Variants in TRMT2B observed in about 807,000 individuals in gnomAD.
TRMT2B encodes tRNA methyltransferase 2B, also known as tRNA (uracil-5-)-methyltransferase homolog B.
Under a neutral mutation model 39.7 loss-of-function variants are expected in TRMT2B, and 34 were observed. That is an observed-to-expected ratio of 0.86 (90% CI 0.65 to 1.14). The LOEUF (loss-of-function observed/expected upper bound fraction) is 1.14. Among genes scored for constraint, TRMT2B ranks in the 50% most tolerant of loss-of-function variants. The pLI is 0.00. For synonymous variants in TRMT2B, 132 were observed against 137.3 expected, an observed-to-expected ratio of 0.96 and a Z score of 0.27; for missense variants, 318 against 377.2, an observed-to-expected ratio of 0.84 and a Z score of 1.30.
chrX:101,013,189 C>T (rs774031753), intron 13 of TRMT2B, among the ~76,000 whole-genome samples: 24 of 111,405 alleles, frequency 2.2e-4, no homozygotes, highest in Middle Eastern at 4.6e-3. Context: ...TGTTATTATG[C>T]GACACAAGAC....
intron 3 of TRMT2B, among the ~76,000 whole-genome samples, chrX:101,041,836 C>T (rs1023889058): frequency 2.7e-5 from 3 of 111,852 alleles, no homozygotes; most frequent in Non-Finnish European, 5.6e-5. Context: ...TAAAAACACA[C>T]TCAAAGACAA....
At chrX:101,034,431 C>T (rs2087711082) in intron 7 of TRMT2B, among the ~76,000 whole-genome samples, 1 of 110,174 alleles carries the variant, frequency 9.1e-6, no homozygotes, top group Non-Finnish European at 1.9e-5. Context: ...CATGAGCCAC[C>T]ATGCCTGGCC....
Position 101,042,166 on chromosome X carries a change from G to A in TRMT2B, c.124C>T (p.Leu42Phe). 1 of 1,212,234 alleles carries A rather than the reference G, an allele frequency of 8.2e-7. No homozygotes were observed. Among genetic ancestry groups the A allele is most frequent in the Non-Finnish European group, 1.1e-6 (1 of 895,633 alleles). The change falls in exon 3 of 14, where the codon CTC becomes TTC. Residue 42 changes from leucine to phenylalanine, a missense_variant. Coordinates refer to ENST00000372936, the MANE Select transcript of TRMT2B (RefSeq NM_024917.6). The stretch of plus-strand genomic sequence containing the variant: ...CCCTTACATACTGTGCCCAGAAAGA[G>A]CTGTGACCATCCTGGTGGATTTCTG... Reference protein sequence around the residue: ...YARNPPGWSQLFLGTVCKGDF... With the variant: ...YARNPPGWSQFFLGTVCKGDF...
chrX:100,988,605 C>T, the TRMT2B span: 4 of 881,042 alleles, frequency 4.5e-6, no homozygotes, highest in African/African-American at 2.1e-5. Context: ...ATAGGCCTTC[C>T]CTAACAATTT....
chrX:100,978,121 G>A, the TRMT2B span, among the ~76,000 whole-genome samples: 1 of 112,437 alleles, frequency 8.9e-6, no homozygotes, highest in Non-Finnish European at 1.9e-5. Flanking sequence ...CAGTGTATGA[G>A]GGTACCCCTT....
intron 7 of TRMT2B, among the ~76,000 whole-genome samples, chrX:101,030,798 C>G (rs1014542462): frequency 9.1e-6 from 1 of 110,072 alleles, no homozygotes; most frequent in African/African-American, 3.3e-5. Context: ...ATACCTCATT[C>G]CAGAAGGCCA....
intron 11 of TRMT2B, among the ~76,000 whole-genome samples, chrX:101,019,640 T>C (rs1258067921): frequency 9.3e-6 from 1 of 108,103 alleles, no homozygotes; most frequent in African/African-American, 3.4e-5. Flanking sequence ...TACACCTTTT[T>C]TTTTTTCTTT....
At chrX:100,986,921 T>A in the TRMT2B span, 11 of 1,070,639 alleles carry the variant, frequency 1.0e-5, no homozygotes, top group Non-Finnish European at 1.4e-5. Flanking sequence ...AACCTCTTCC[T>A]TCCCTCTTCC....
chrX:101,019,409 G>C lies in TRMT2B; in HGVS notation c.1169-6C>G. 2.5e-6 allele frequency: 3 copies of C among 1,210,736 alleles called. No homozygotes were observed. The highest frequency in any genetic ancestry group is 3.4e-6 in the Non-Finnish European group (3 of 895,290). Reference sequence around the variant, plus strand: ...AAATTCAGAGTTGGTGATGCCTATGGAAGACAGGCCCACAGGACATAACTC... The same window carrying C: ...AAATTCAGAGTTGGTGATGCCTATGCAAGACAGGCCCACAGGACATAACTC... On this transcript the variant is annotated splice_region_variant and splice_polypyrimidine_tract_variant and intron_variant, in intron 11 of 13. Transcript: ENST00000372936.
At chrX:100,982,081 T>C in the TRMT2B span, among the ~76,000 whole-genome samples, 1 of 110,784 alleles carries the variant, frequency 9.0e-6, no homozygotes. Context: ...ATGAGGACAT[T>C]TAGACTAGCG....
the TRMT2B span, chrX:100,988,357 C>A: frequency 4.1e-6 from 5 of 1,207,140 alleles, no homozygotes; most frequent in Non-Finnish European, 5.6e-6. Flanking sequence ...CTTTCCCCCC[C>A]ATCATCTTCT....
At chrX:101,034,809 A>G (rs1319073855) in intron 7 of TRMT2B, among the ~76,000 whole-genome samples, 1 of 111,061 alleles carries the variant, frequency 9.0e-6, no homozygotes, top group Non-Finnish European at 1.9e-5. Flanking sequence ...AGGTGGGTGG[A>G]TCACTTGAGG....
intron 13 of TRMT2B, among the ~76,000 whole-genome samples, chrX:101,012,993 T>C (rs1045673777): frequency 1.8e-4 from 20 of 110,512 alleles, no homozygotes; most frequent in Non-Finnish European, 3.4e-4. Flanking sequence ...AGCTAATTTT[T>C]CTATTTTAGT....
At chrX:101,023,711 C>A in intron 7 of TRMT2B, 95 bp from the exon 8 acceptor site, 1 of 913,778 alleles carries the variant, frequency 1.1e-6, no homozygotes. Flanking sequence ...ATTGTGTCCC[C>A]CAAAAATTCC....
the TRMT2B span, among the ~76,000 whole-genome samples, chrX:100,987,993 A>G: frequency 2.7e-5 from 3 of 111,990 alleles, no homozygotes; most frequent in African/African-American, 9.7e-5. Context: ...AGAGGACAGA[A>G]ATGTTGAAAA....
At chrX:100,991,211 G>A in the TRMT2B span, among the ~76,000 whole-genome samples, 1 of 111,566 alleles carries the variant, frequency 9.0e-6, no homozygotes, top group Non-Finnish European at 1.9e-5. Flanking sequence ...ATTCCAATGA[G>A]CATGTCCTTG....
At chrX:101,032,562 G>C (rs1427883463) in intron 7 of TRMT2B, among the ~76,000 whole-genome samples, 2 of 108,010 alleles carry the variant, frequency 1.9e-5, no homozygotes, top group Non-Finnish European at 3.8e-5. Flanking sequence ...ACTCCAGCCT[G>C]GGCAACAGAG....
chrX:100,983,363 CT>C, the TRMT2B span, among the ~76,000 whole-genome samples: 4 of 107,285 alleles, frequency 3.7e-5, no homozygotes, highest in East Asian at 2.9e-4. Context: ...AACCTATTCA[CT>C]TTTTTTTTTG....
downstream of TRMT2B, among the ~76,000 whole-genome samples, chrX:101,007,609 T>C (rs1052076213): frequency 9.0e-6 from 1 of 111,486 alleles, no homozygotes; most frequent in African/African-American, 3.3e-5. Context: ...TGAGCTGAGA[T>C]TGCACCACTG....
Sources: allele counts gnomAD v4.1 joint callset (sites outside exome capture counted in the v4.1 genomes callset), GRCh38; gene constraint gnomAD v4.1.1; transcripts MANE v1.5; gene names NCBI Gene and HGNC (gene_info 2026-07-23, HGNC 2026-07-21).